The following TMEM245 variants were observed in gnomAD, a reference collection of about 807,000 sequenced individuals.
TMEM245 encodes transmembrane protein 245, also known as protein CG-2.
TMEM245 carries 69 observed loss-of-function variants against 101.2 expected under a neutral mutation model. The ratio of observed to expected loss-of-function variants is 0.68; its 90% CI spans 0.56 to 0.83. The LOEUF (loss-of-function observed/expected upper bound fraction) is 0.83, where lower values mean the gene tolerates loss of function less well. Ranked by LOEUF, TMEM245 falls within the 40% of genes least tolerant of loss-of-function variation. The pLI, the probability that TMEM245 is intolerant of heterozygous loss-of-function variation, is 0.00. For synonymous variants in TMEM245, 537 were observed against 449.8 expected (o/e 1.19, Z -2.45); for missense variants, 1,075 against 1,092.8 (o/e 0.98, Z 0.23).
chr9:109,094,014 A>G (rs1029480794), intron 3 of TMEM245, among the ~76,000 whole-genome samples: 10 of 152,386 alleles, frequency 6.6e-5, no homozygotes, highest in South Asian at 2.1e-4. Flanking sequence ...ATTGGTGGTC[A>G]TAACAACATT....
intron 5 of TMEM245, among the ~76,000 whole-genome samples, chr9:109,087,972 T>A (rs952870477): frequency 3.9e-5 from 6 of 152,144 alleles, no homozygotes; most frequent in Non-Finnish European, 7.4e-5. Context: ...GCAACTTCAG[T>A]GGGGACCACT....
chr9:109,052,055 T>C (rs534399775), intron 12 of TMEM245, among the ~76,000 whole-genome samples: 65 of 152,360 alleles, frequency 4.3e-4, no homozygotes, highest in African/African-American at 1.5e-3. Flanking sequence ...AGGTTTCTCA[T>C]AGATGTTAAA....
At chr9:109,097,912 C>G (rs1830182845) in intron 3 of TMEM245, among the ~76,000 whole-genome samples, 1 of 152,144 alleles carries the variant, frequency 6.6e-6, no homozygotes, top group Non-Finnish European at 1.5e-5. Context: ...GAGAGAGATT[C>G]CGTCTTGAAA....
intron 14 of TMEM245, among the ~76,000 whole-genome samples, chr9:109,048,397 A>C (rs1828564851): frequency 6.6e-6 from 1 of 152,160 alleles, no homozygotes; most frequent in African/African-American, 2.4e-5. Context: ...ACACAGTGAA[A>C]AAATATACCA....
rs888278224 is a variant in TMEM245 at position 109,105,977 on chromosome 9, T to C, written c.799+531A>G. 2.0e-5 allele frequency among the ~76,000 whole-genome samples: 3 copies of C among 152,184 alleles called. No homozygotes were observed. The South Asian group carries it at 6.2e-4, about 31-fold the overall frequency. ...TTAGTAGAGACGGGGTTTCACCATA[T>C]TGGCCAGGCTGGTCTCGAACTCCTG... On this transcript the variant is annotated intron_variant, in intron 3 of 17. Coordinates refer to ENST00000374586, the MANE Select transcript of TMEM245 (RefSeq NM_032012.4).
At chr9:109,069,746 A>G (rs1004017546) in intron 9 of TMEM245, among the ~76,000 whole-genome samples, 4 of 152,186 alleles carry the variant, frequency 2.6e-5, no homozygotes, top group Non-Finnish European at 5.9e-5. Flanking sequence ...AGGCTTCTCC[A>G]TCTTAAAAAA....
intron 12 of TMEM245, 91 bp downstream of exon 12, chr9:109,057,100 T>C (rs1828861395): frequency 1.5e-6 from 2 of 1,373,674 alleles, no homozygotes; most frequent in South Asian, 1.4e-5. Context: ...AAAAACAGGA[T>C]AGATGAGGCC....
rs369795289 is a variant in TMEM245 at position 109,040,377 on chromosome 9, A to G, written c.2124-2260T>C. Among the ~76,000 whole-genome samples, 4 of 152,332 alleles carry G rather than the reference A, an allele frequency of 2.6e-5. No individual in the cohort carries two copies. In the South Asian group the frequency reaches 6.2e-4, roughly 24 times the overall value. ...GATTTACAAATAATAAAACTCACCA[A>G]TTTGAAGCATTCAATTCAGTAATGT... is the stretch of plus-strand genomic sequence containing the variant. On this transcript the variant is annotated intron_variant, in intron 14 of 17. Transcript: ENST00000374586.
chr9:109,102,193 G>C (rs566889570), intron 3 of TMEM245, among the ~76,000 whole-genome samples: 1 of 152,096 alleles, frequency 6.6e-6, no homozygotes, highest in African/African-American at 2.4e-5. Flanking sequence ...TAACCACAGA[G>C]TCTAACAGAT....
At chr9:109,089,035 G>A (rs1829923413) in intron 5 of TMEM245, among the ~76,000 whole-genome samples, 2 of 151,710 alleles carry the variant, frequency 1.3e-5, no homozygotes, top group South Asian at 4.2e-4. Context: ...CAGCACTTTG[G>A]GAAGCCAAGG....
chr9:109,053,550 T>C (rs965018428), intron 12 of TMEM245, among the ~76,000 whole-genome samples: 4 of 152,146 alleles, frequency 2.6e-5, no homozygotes, highest in Admixed American at 2.0e-4. Context: ...TTATGAAACA[T>C]ACAAAAAGCC....
chr9:109,114,031 G>T (rs958784973), intron 1 of TMEM245, among the ~76,000 whole-genome samples: 1 of 152,074 alleles, frequency 6.6e-6, no homozygotes, highest in South Asian at 2.1e-4. Flanking sequence ...AGCCGAGAAC[G>T]CGCCATTGCA....
rs921271093 is a variant in TMEM245 at position 109,108,588 on chromosome 9, C to G, written c.580-18G>C. ...GTCCAGATCTTAAATAAATGAAAGA[C>G]ACAGCTGTAAAATCTATACACGTGA... On this transcript the variant is annotated intron_variant, in intron 1 of 17. Coordinates refer to ENST00000374586, the MANE Select transcript of TMEM245 (RefSeq NM_032012.4). The G allele has an allele frequency of 6.5e-7, 1 of 1,547,766 alleles. No individual in the cohort carries two copies. The highest frequency in any genetic ancestry group is 1.9e-5 in the Admixed American group (1 of 52,508).
intron 3 of TMEM245, among the ~76,000 whole-genome samples, chr9:109,095,321 G>A (rs901235792): frequency 2.0e-5 from 3 of 152,140 alleles, no homozygotes; most frequent in African/African-American, 7.2e-5. Context: ...CTGCCCCCAG[G>A]GAGTATAGTA....
intron 9 of TMEM245, among the ~76,000 whole-genome samples, chr9:109,072,746 C>A (rs933621119): frequency 1.3e-5 from 2 of 152,212 alleles, no homozygotes; most frequent in African/African-American, 4.8e-5. Flanking sequence ...TGGTGTACAC[C>A]TGTAGTCTCA....
At chr9:109,073,114 G>A (rs935405931) in intron 9 of TMEM245, 4 of 476,666 alleles carry the variant, frequency 8.4e-6, no homozygotes, top group African/African-American at 3.9e-5. Context: ...TAAACATGCT[G>A]TAAACCTCAA....
rs1830428217 is a variant in TMEM245 at position 109,106,503 on chromosome 9, C to T, written c.799+5G>A. On this transcript the variant is annotated splice_donor_5th_base_variant and intron_variant, in intron 3 of 17. Coordinates refer to ENST00000374586, the MANE Select transcript of TMEM245 (RefSeq NM_032012.4). ...GTAGTATTAATAGAATGCCCTATTT[C>T]TTACCAGAAGACTCTTTTCCATTCT... is the stretch of plus-strand genomic sequence containing the variant. 1 of 1,596,322 alleles carries T rather than the reference C, an allele frequency of 6.3e-7. No individual in the cohort carries two copies. Among genetic ancestry groups the T allele is most frequent in the Non-Finnish European group, 8.6e-7 (1 of 1,168,246 alleles).
rs1231017674 is a variant in TMEM245, at chr9:109,080,892, T to G, written c.1396A>C (p.Ile466Leu). The part of the protein sequence containing the change: ...MLDKIISIFI[I>L]FLLVIGTLLL... ...AGAGTTCCTATCACTAACAAAAATA[T>G]GATGAAAATGCTAATTATTTTATCT... Residue 466 changes from isoleucine (I) to leucine (L), a missense_variant, in exon 8 of 18, where the codon ATA (isoleucine) becomes CTA (leucine). Physicochemically the swap from Ile to Leu is conservative, Grantham distance 5. Coordinates refer to ENST00000374586, the MANE Select transcript of TMEM245 (RefSeq NM_032012.4). 6.2e-7 allele frequency: 1 copy of G among 1,610,942 alleles called. No individual in the cohort carries two copies. The highest frequency in any genetic ancestry group is 1.7e-5 in the Admixed American group (1 of 59,834).
chr9:109,053,689 A>C (rs1828751866), intron 12 of TMEM245, among the ~76,000 whole-genome samples: 1 of 152,218 alleles, frequency 6.6e-6, no homozygotes, highest in Non-Finnish European at 1.5e-5. Flanking sequence ...TCCACCACTC[A>C]CCAAACAACC....
Sources: allele counts gnomAD v4.1 joint callset (sites outside exome capture counted in the v4.1 genomes callset), GRCh38; gene constraint gnomAD v4.1.1; transcripts MANE v1.5; gene names NCBI Gene and HGNC (gene_info 2026-07-23, HGNC 2026-07-21).